The following UNC13A variants were observed in gnomAD, a reference collection of about 807,000 sequenced individuals.
UNC13A encodes unc-13 homolog A.
Under a neutral mutation model 219.7 loss-of-function variants are expected in UNC13A, and 61 were observed. The ratio of observed to expected loss-of-function variants is 0.28; its 90% CI spans 0.23 to 0.34. The LOEUF (loss-of-function observed/expected upper bound fraction) is 0.34. Ranked by LOEUF, UNC13A falls within the 10% of genes least tolerant of loss-of-function variation. UNC13A has a pLI of 1.00. For synonymous variants in UNC13A, 920 were observed against 884.6 expected (o/e 1.04, Z -0.71); for missense variants, 1,476 against 2,270.3 (o/e 0.65, Z 7.11).
At chr19:17,637,423 A>G (rs2076923974) in intron 25 of UNC13A, among the ~76,000 whole-genome samples, 1 of 151,174 alleles carries the variant, frequency 6.6e-6, no homozygotes, top group African/African-American at 2.4e-5. Context: ...TCAGCCTCCC[A>G]AGTATCTGGG....
chr19:17,687,090 G>A (rs1017653447), intron 1 of UNC13A, among the ~76,000 whole-genome samples: 10 of 152,150 alleles, frequency 6.6e-5, no homozygotes, highest in Non-Finnish European at 1.2e-4. Flanking sequence ...CACCCCTGCC[G>A]CCCAAGGTCT....
At chr19:17,657,893 A>C (rs1282142840) in intron 9 of UNC13A, among the ~76,000 whole-genome samples, 169 bp downstream of exon 9, 2 of 151,852 alleles carry the variant, frequency 1.3e-5, no homozygotes, top group African/African-American at 4.8e-5. Flanking sequence ...GAAAAAAAAA[A>C]AGAAAAAAAT....
chr19:17,639,568 TG>T (rs1364835191), intron 23 of UNC13A, 43 bp from the exon 24 acceptor site: 8 of 1,585,630 alleles, frequency 5.0e-6, no homozygotes, highest in Middle Eastern at 2.2e-4. Context: ...GAAGAAGGCG[TG>T]GGGAGGATGG....
intron 4 of UNC13A, 121 bp downstream of exon 4, chr19:17,672,257 A>G: frequency 1.3e-6 from 1 of 793,454 alleles, no homozygotes; most frequent in Non-Finnish European, 2.1e-6. Context: ...TGGCAATCCC[A>G]AGTGTCTACA....
At chr19:17,671,283 C>A (rs2079783136) in intron 4 of UNC13A, among the ~76,000 whole-genome samples, 1 of 152,040 alleles carries the variant, frequency 6.6e-6, no homozygotes, top group African/African-American at 2.4e-5. Context: ...AGGGTGGAAT[C>A]TGGGAGGGGT....
At chr19:17,653,934 C>T (rs1803073120) in intron 11 of UNC13A, among the ~76,000 whole-genome samples, 1 of 148,074 alleles carries the variant, frequency 6.8e-6, no homozygotes, top group African/African-American at 2.5e-5. Context: ...TCACGCCATT[C>T]TCCTGCCTCA....
rs763222174 is a variant in UNC13A at position 17,624,809 on chromosome 19, G to A, written c.4197+20C>T. 1.5e-5 allele frequency: 24 copies of A among 1,604,416 alleles called. No individual in the cohort carries two copies. The highest frequency in any genetic ancestry group is 1.5e-4 in the African/African-American group (11 of 74,610). ...AGGGAGGTGGCCTAAATGTCCCCTC[G>A]GGCCCCCTGCAGGTCTCACCGTCTG... On this transcript the variant is annotated intron_variant, in intron 35 of 43. Coordinates refer to ENST00000519716, the MANE Select transcript of UNC13A (RefSeq NM_001080421.3).
At chr19:17,664,375 C>T (rs553842582) in intron 7 of UNC13A, among the ~76,000 whole-genome samples, 12 of 152,304 alleles carry the variant, frequency 7.9e-5, no homozygotes, top group Admixed American at 5.2e-4. Flanking sequence ...AGAGCCTCTG[C>T]GCATCAGGGC....
rs886797948 is a variant in UNC13A, at chr19:17,686,927, C to G, written c.22+1251G>C. ...TCAGCACACGCACGCTTCCTGTCGC[C>G]CGAGGTCTCCCGAAGCCTGCAGTCT... On this transcript the variant is annotated intron_variant, in intron 1 of 43. Coordinates refer to ENST00000519716, the MANE Select transcript of UNC13A (RefSeq NM_001080421.3). Among the ~76,000 whole-genome samples the G allele has an allele frequency of 5.9e-5, 9 of 152,172 alleles. No individual in the cohort carries two copies. The East Asian group carries it at 1.6e-3, about 26-fold the overall frequency.
chr19:17,639,018 GGCTGGGACTGAAGCCTGTGTCTA>G, intron 25 of UNC13A, 42 bp downstream of exon 25: 1 of 1,505,690 alleles, frequency 6.6e-7, no homozygotes, highest in South Asian at 1.3e-5. Context: ...GAAGGGGCAG[GGCTGGGACTGAAGCCTGTGTCTA>G]GTTGGCATCA....
At chr19:17,625,708 C>G (rs572149671) in intron 34 of UNC13A, among the ~76,000 whole-genome samples, 1 of 151,778 alleles carries the variant, frequency 6.6e-6, no homozygotes, top group Non-Finnish European at 1.5e-5. Context: ...ATCCATCCAT[C>G]GACCCACTCA....
chr19:17,638,839 A>AG (rs1439365791), intron 25 of UNC13A, among the ~76,000 whole-genome samples: 1 of 152,000 alleles, frequency 6.6e-6, no homozygotes, highest in East Asian at 1.9e-4. Context: ...CAAAAAAAAA[A>AG]AATTTTTTTT....
chr19:17,646,356 C>T (rs777409211), intron 17 of UNC13A, among the ~76,000 whole-genome samples: 2 of 152,132 alleles, frequency 1.3e-5, no homozygotes, highest in South Asian at 4.1e-4. Flanking sequence ...CGGGTTCAAG[C>T]AATTCTCCTG....
At chr19:17,629,556 A>G (rs1473865498) in intron 30 of UNC13A, among the ~76,000 whole-genome samples, 1 of 152,080 alleles carries the variant, frequency 6.6e-6, no homozygotes, top group African/African-American at 2.4e-5. Flanking sequence ...CAGAGCAACC[A>G]AGCATCATAT....
chr19:17,617,516 T>C (rs1199725604), intron 41 of UNC13A, among the ~76,000 whole-genome samples, 186 bp downstream of exon 41: 1 of 152,162 alleles, frequency 6.6e-6, no homozygotes, highest in Non-Finnish European at 1.5e-5. Flanking sequence ...CCTCCAGGCC[T>C]GTGACGTCAG....
intron 7 of UNC13A, among the ~76,000 whole-genome samples, chr19:17,665,801 A>G (rs891335244): frequency 2.0e-4 from 30 of 152,312 alleles, no homozygotes; most frequent in Non-Finnish European, 3.1e-4. Flanking sequence ...GCCCTCATCC[A>G]GGATCTGATG....
intron 35 of UNC13A, among the ~76,000 whole-genome samples, chr19:17,624,515 C>T (rs1412408712): frequency 6.6e-6 from 1 of 152,184 alleles, no homozygotes; most frequent in African/African-American, 2.4e-5. Flanking sequence ...TTTTGACCTA[C>T]ATGTGACCTC....
chr19:17,635,734 C>CATACACATAAAAAATT (rs2076906550), intron 26 of UNC13A, among the ~76,000 whole-genome samples: 1 of 152,146 alleles, frequency 6.6e-6, no homozygotes, highest in Non-Finnish European at 1.5e-5. Context: ...AATTAACCTA[C>CATACACATAAAAAATT]ATACACATAA....
rs1017209018 is a variant in UNC13A at position 17,674,840 on chromosome 19, T to A, written c.53-84A>T. 2 of 1,219,346 alleles carry A rather than the reference T, an allele frequency of 1.6e-6. No homozygotes were observed. The highest frequency in any genetic ancestry group is 4.7e-5 in the East Asian group (2 of 42,504). The allele number at this position is 1,219,346 out of a possible 1,614,324, so 75.5% of individuals were successfully genotyped here. On this transcript the variant is annotated intron_variant, in intron 2 of 43. Coordinates refer to ENST00000519716, the MANE Select transcript of UNC13A (RefSeq NM_001080421.3). The surrounding 1 kb of genome is among the most constrained non-coding windows in gnomAD (Gnocchi z 5.0). ...CCAAGCTCTAGACCATCTGCTGTGA[T>A]CCCCTCAGGAATTTCTGGGCCACTC... is the stretch of plus-strand genomic sequence containing the variant.
Sources: allele counts gnomAD v4.1 joint callset (sites outside exome capture counted in the v4.1 genomes callset), GRCh38; gene constraint gnomAD v4.1.1; non-coding constraint Gnocchi (gnomAD v3.1); transcripts MANE v1.5; gene names NCBI Gene and HGNC (gene_info 2026-07-23, HGNC 2026-07-21).